Variants in GPR39 observed in about 807,000 individuals in gnomAD.
GPR39 encodes G protein-coupled receptor 39.
A neutral mutation model predicts 18.4 loss-of-function variants in GPR39; 23 were observed. The ratio of observed to expected loss-of-function variants is 1.25; its 90% CI spans 0.90 to 1.77. The LOEUF is 1.77. Among genes scored for constraint, GPR39 ranks in the 40% most tolerant of loss-of-function variants. GPR39 has a pLI of 0.00. For missense variants in GPR39, 647 were observed against 602.4 expected, an observed-to-expected ratio of 1.07 and a Z score of -0.78; for synonymous variants, 280 against 257.9, an observed-to-expected ratio of 1.09 and a Z score of -0.82.
intron 1 of GPR39, among the ~76,000 whole-genome samples, chr2:132,547,047 C>T (rs1475220663): frequency 6.6e-6 from 1 of 151,934 alleles, no homozygotes; most frequent in African/African-American, 2.4e-5. Flanking sequence ...TTCCTATTTT[C>T]CGTTGCCTCC....
At chr2:132,495,927 G>C (rs1489536252) in intron 1 of GPR39, among the ~76,000 whole-genome samples, 1 of 151,970 alleles carries the variant, frequency 6.6e-6, no homozygotes, top group African/African-American at 2.4e-5. Flanking sequence ...TTAGGGACAA[G>C]AGAAGGCCTT....
At chr2:132,550,967 G>C (rs1273996372) in intron 1 of GPR39, among the ~76,000 whole-genome samples, 1 of 152,168 alleles carries the variant, frequency 6.6e-6, no homozygotes, top group Non-Finnish European at 1.5e-5. Flanking sequence ...TGTGGTTTAG[G>C]TGGAGGAAGA....
chr2:132,645,086 C>G lies in GPR39; in HGVS notation c.857-15C>G. ...TTCTTTTCTCTGTCTCTCCCTCCTG[C>G]TCGTGTCTGCCCAGGGCTGATTGTT... is the stretch of plus-strand genomic sequence containing the variant. On this transcript the variant is annotated splice_polypyrimidine_tract_variant and intron_variant, in intron 1 of 1. Transcript: ENST00000329321. 1.3e-6 allele frequency: 2 copies of G among 1,599,612 alleles called. No homozygotes were observed. Among genetic ancestry groups the G allele is most frequent in the Non-Finnish European group, 1.7e-6 (2 of 1,171,532 alleles).
At chr2:132,542,616 G>C in intron 1 of GPR39, among the ~76,000 whole-genome samples, 1 of 152,182 alleles carries the variant, frequency 6.6e-6, no homozygotes, top group East Asian at 1.9e-4. Flanking sequence ...CTCAGCATTT[G>C]TTAATACAGG....
chr2:132,501,789 A>G (rs1227722098), intron 1 of GPR39, among the ~76,000 whole-genome samples: 1 of 152,114 alleles, frequency 6.6e-6, no homozygotes, highest in Non-Finnish European at 1.5e-5. Context: ...TAGAATTGTG[A>G]TATTTTCCTG....
chr2:132,423,478 C>T (rs2104754106), intron 1 of GPR39, among the ~76,000 whole-genome samples: 1 of 152,272 alleles, frequency 6.6e-6, no homozygotes, highest in East Asian at 1.9e-4. Context: ...GTTTATAACA[C>T]CCCTTAACTG....
chr2:132,591,690 A>G (rs1680847411), intron 1 of GPR39, among the ~76,000 whole-genome samples: 1 of 152,228 alleles, frequency 6.6e-6, no homozygotes, highest in Non-Finnish European at 1.5e-5. Flanking sequence ...GGAATTGTAA[A>G]ACGAGAAACA....
intron 1 of GPR39, among the ~76,000 whole-genome samples, chr2:132,540,544 G>A (rs939476765): frequency 1.1e-4 from 16 of 152,208 alleles, no homozygotes; most frequent in African/African-American, 3.9e-4. Context: ...TTTGTGAGCT[G>A]GACCCCGGAG....
At position 132,645,179 on chromosome 2, in the gene GPR39, A is replaced by G. The variant is rs1309141278; in HGVS notation, c.935A>G (p.His312Arg). ...ATCATGGCTGCGGCCAAACCCAAGC[A>G]CGACTGGACGAGGTCCTACTTCCGG... ...RRIMAAAKPKHDWTRSYFRAY... is the reference protein window; with the variant it reads ...RRIMAAAKPKRDWTRSYFRAY... The change falls in exon 2 of 2, where the codon CAC becomes CGC. Residue 312 changes from histidine (H) to arginine (R), a missense_variant. His to Arg is a conservative substitution (Grantham distance 29). Coordinates refer to ENST00000329321, the MANE Select transcript of GPR39 (RefSeq NM_001508.3). 6.2e-7 allele frequency: 1 copy of G among 1,614,076 alleles called. No individual in the cohort carries two copies. Among genetic ancestry groups the G allele is most frequent in the South Asian group, 1.1e-5 (1 of 91,070 alleles).
intron 1 of GPR39, among the ~76,000 whole-genome samples, chr2:132,424,953 C>T (rs771421568): frequency 1.3e-5 from 2 of 152,186 alleles, no homozygotes; most frequent in Non-Finnish European, 2.9e-5. Flanking sequence ...GCAACTCCCA[C>T]TTTCCCAGCA....
chr2:132,619,336 C>T (rs919715339), intron 1 of GPR39, among the ~76,000 whole-genome samples: 3 of 152,164 alleles, frequency 2.0e-5, no homozygotes, highest in Non-Finnish European at 4.4e-5. Context: ...TAAGGGCCCT[C>T]GCAACAGGCT....
rs1363744928 is a variant in GPR39 at position 132,645,393 on chromosome 2, C to A, written c.1149C>A (p.Asp383Glu). Residue 383 changes from aspartate (D) to glutamate (E), a missense_variant, in exon 2 of 2, where the codon GAC becomes GAA. By Grantham distance (45) the Asp-to-Glu change is conservative. Transcript: ENST00000329321. The part of the protein sequence containing the change: ...RLRVHAHSTT[D>E]SARFVQRPLL... ...GCGTACATGCGCACTCCACCACCGA[C>A]AGCGCCCGCTTTGTGCAGCGCCCGT... 16 of 1,613,608 alleles carry A rather than the reference C, an allele frequency of 9.9e-6. No individual in the cohort carries two copies. The African/African-American group carries it at 1.3e-4, about 13-fold the overall frequency.
intron 1 of GPR39, among the ~76,000 whole-genome samples, chr2:132,437,793 G>A (rs1680353175): frequency 6.6e-6 from 1 of 152,174 alleles, no homozygotes; most frequent in African/African-American, 2.4e-5. Context: ...ACATGTCAAG[G>A]GAGAATTAGG....
At chr2:132,591,668 A>G (rs373407328) in intron 1 of GPR39, among the ~76,000 whole-genome samples, 9 of 152,214 alleles carry the variant, frequency 5.9e-5, no homozygotes, top group African/African-American at 2.2e-4. Context: ...TGCCAATGTG[A>G]CAATTTATGG....
At chr2:132,451,032 T>C (rs1199736481) in intron 1 of GPR39, among the ~76,000 whole-genome samples, 1 of 152,182 alleles carries the variant, frequency 6.6e-6, no homozygotes, top group Non-Finnish European at 1.5e-5. Flanking sequence ...GGGATCAACC[T>C]GCCCCAGGTG....
intron 1 of GPR39, among the ~76,000 whole-genome samples, chr2:132,576,834 G>A (rs1047849435): frequency 4.6e-5 from 7 of 152,060 alleles, no homozygotes; most frequent in East Asian, 1.9e-4. Flanking sequence ...TTTGGCCTCC[G>A]ATGTCCAGTT....
At chr2:132,449,419 G>A (rs920692933) in intron 1 of GPR39, among the ~76,000 whole-genome samples, 3 of 152,130 alleles carry the variant, frequency 2.0e-5, no homozygotes, top group South Asian at 2.1e-4. Flanking sequence ...GCTAATTTTT[G>A]TATTTTTAGT....
intron 1 of GPR39, among the ~76,000 whole-genome samples, chr2:132,427,385 T>C (rs1186668107): frequency 6.7e-6 from 1 of 150,124 alleles, no homozygotes; most frequent in African/African-American, 2.4e-5. Flanking sequence ...AGCCAGGATG[T>C]CTCGATCTCC....
intron 1 of GPR39, among the ~76,000 whole-genome samples, chr2:132,516,145 G>A (rs536571705): frequency 5.9e-4 from 90 of 152,158 alleles, no homozygotes; most frequent in Middle Eastern, 3.4e-3. Context: ...CCTCTTGCTC[G>A]CCAGGCTTTT....
Sources: allele counts gnomAD v4.1 joint callset (sites outside exome capture counted in the v4.1 genomes callset), GRCh38; gene constraint gnomAD v4.1.1; transcripts MANE v1.5; gene names NCBI Gene and HGNC (gene_info 2026-07-23, HGNC 2026-07-21).